Variants in TRHDE observed in about 807,000 individuals in gnomAD.
TRHDE encodes thyrotropin releasing hormone degrading enzyme, also known as thyrotropin-releasing hormone-degrading ectoenzyme.
A neutral mutation model predicts 125.7 loss-of-function variants in TRHDE; 72 were observed. The observed-to-expected ratio is 0.57, with a 90% confidence interval of 0.47 to 0.70. The LOEUF is 0.70. TRHDE is among the 30% of genes least tolerant of loss of function. TRHDE has a pLI of 0.00. For synonymous variants in TRHDE, 509 were observed against 509.1 expected (o/e 1.00, Z 0.00); for missense variants, 1,110 against 1,327.1 (o/e 0.84, Z 2.54).
intron 2 of TRHDE, among the ~76,000 whole-genome samples, chr12:72,159,531 A>T (rs1876591154): frequency 6.6e-6 from 1 of 152,204 alleles, no homozygotes; most frequent in African/African-American, 2.4e-5. Context: ...TTGAACTGCC[A>T]TTTCTTCAAG....
intron 12 of TRHDE, among the ~76,000 whole-genome samples, chr12:72,614,307 C>CTTATGTATATAT (rs1555202237): frequency 9.6e-6 from 1 of 104,308 alleles, no homozygotes; most frequent in African/African-American, 5.5e-5. Context: ...ATTATATATA[C>CTTATGTATATAT]ATATGTATAT....
intron 6 of TRHDE, 95 bp downstream of exon 6, chr12:72,499,730 G>A (rs561370530): frequency 3.9e-5 from 54 of 1,391,748 alleles, no homozygotes; most frequent in Non-Finnish European, 8.9e-6. Context: ...TTTTTTCCGG[G>A]CAGATAGACA....
chr12:72,462,754 C>A (rs1277943161), intron 3 of TRHDE, among the ~76,000 whole-genome samples: 2 of 152,116 alleles, frequency 1.3e-5, no homozygotes, highest in African/African-American at 4.8e-5. Context: ...CTTTAACATA[C>A]CATGTGTAAT....
chr12:72,321,014 A>T (rs186843341), intron 2 of TRHDE, among the ~76,000 whole-genome samples: 4 of 152,318 alleles, frequency 2.6e-5, no homozygotes, highest in Admixed American at 6.5e-5. Flanking sequence ...ATTTCAACTT[A>T]TTAGTGGGAA....
intron 3 of TRHDE, among the ~76,000 whole-genome samples, chr12:72,392,241 A>G (rs1340424216): frequency 1.3e-5 from 2 of 152,210 alleles, no homozygotes; most frequent in Non-Finnish European, 2.9e-5. Flanking sequence ...TAATACACCT[A>G]TGTAAGGCTT....
intron 7 of TRHDE, among the ~76,000 whole-genome samples, chr12:72,546,062 C>G (rs923104875): frequency 6.6e-6 from 1 of 151,608 alleles, no homozygotes; most frequent in African/African-American, 2.4e-5. Context: ...GAAAAGCTAC[C>G]ACGGTGGCTC....
intron 2 of TRHDE, among the ~76,000 whole-genome samples, chr12:72,287,637 G>T (rs1879940605): frequency 6.6e-6 from 1 of 151,712 alleles, no homozygotes; most frequent in Admixed American, 6.6e-5. Context: ...AAAATTTCAT[G>T]TAAGTGATTT....
chr12:72,445,796 A>G (rs1038303216), intron 3 of TRHDE, among the ~76,000 whole-genome samples: 6 of 151,966 alleles, frequency 3.9e-5, no homozygotes, highest in African/African-American at 1.4e-4. Context: ...TTAATTGCCA[A>G]TATTTTACAG....
At chr12:72,284,514 A>G (rs1022574567) in intron 1 of TRHDE, among the ~76,000 whole-genome samples, 2 of 152,214 alleles carry the variant, frequency 1.3e-5, no homozygotes, top group African/African-American at 2.4e-5. Flanking sequence ...CTGACATTTC[A>G]TTAAGCAGAA....
intron 2 of TRHDE, among the ~76,000 whole-genome samples, chr12:72,155,328 C>G (rs970941310): frequency 7.2e-5 from 11 of 152,066 alleles, no homozygotes; most frequent in African/African-American, 2.7e-4. Flanking sequence ...ACTTCTTTGC[C>G]ATGGGTTCGA....
intron 3 of TRHDE, among the ~76,000 whole-genome samples, chr12:72,408,295 A>G (rs145473240): frequency 6.6e-6 from 1 of 152,342 alleles, no homozygotes; most frequent in Non-Finnish European, 1.5e-5. Context: ...GAACACAGTC[A>G]GAGCACAGCA....
At chr12:72,173,700 G>T (rs1407110861) in intron 2 of TRHDE, among the ~76,000 whole-genome samples, 1 of 152,112 alleles carries the variant, frequency 6.6e-6, no homozygotes, top group African/African-American at 2.4e-5. Flanking sequence ...GGACAAAAAA[G>T]TCCCATATGC....
At chr12:72,466,589 C>T (rs1045541393) in intron 3 of TRHDE, among the ~76,000 whole-genome samples, 1 of 152,172 alleles carries the variant, frequency 6.6e-6, no homozygotes, top group Non-Finnish European at 1.5e-5. Context: ...TGGTTATGAA[C>T]TTACAATTCA....
intron 3 of TRHDE, among the ~76,000 whole-genome samples, chr12:72,418,889 A>G (rs1873837431): frequency 6.6e-6 from 1 of 152,172 alleles, no homozygotes; most frequent in Non-Finnish European, 1.5e-5. Flanking sequence ...TTTGATGCTA[A>G]AGAAGAAGAG....
intron 1 of TRHDE, among the ~76,000 whole-genome samples, chr12:72,097,612 G>A (rs1874962061): frequency 6.6e-6 from 1 of 151,962 alleles, no homozygotes; most frequent in African/African-American, 2.4e-5. Context: ...ACCATGCCTG[G>A]CTAATGTTTT....
At chr12:72,165,671 A>G (rs1268452616) in intron 2 of TRHDE, among the ~76,000 whole-genome samples, 2 of 151,054 alleles carry the variant, frequency 1.3e-5, no homozygotes, top group African/African-American at 4.9e-5. Context: ...ACATATTCTG[A>G]GAAATGCATT....
chr12:72,378,191 T>C, intron 3 of TRHDE, 70 bp downstream of exon 3: 1 of 1,412,656 alleles, frequency 7.1e-7, no homozygotes, highest in Non-Finnish European at 9.5e-7. Context: ...ATGTGTTTAT[T>C]TGAGCCATCC....
chr12:72,657,203 A>C (rs926553929), intron 18 of TRHDE, among the ~76,000 whole-genome samples, 195 bp downstream of exon 18: 2 of 152,130 alleles, frequency 1.3e-5, no homozygotes, highest in African/African-American at 4.8e-5. Flanking sequence ...CAAACATTGA[A>C]GGCCTGCAAG....
intron 12 of TRHDE, chr12:72,582,383 G>A (rs1451249918): frequency 1.0e-6 from 1 of 984,786 alleles, no homozygotes; most frequent in East Asian, 1.1e-4. Flanking sequence ...AAACAGCATT[G>A]TTAAAATAAC....
Sources: allele counts gnomAD v4.1 joint callset (sites outside exome capture counted in the v4.1 genomes callset), GRCh38; gene constraint gnomAD v4.1.1; transcripts MANE v1.5; gene names NCBI Gene and HGNC (gene_info 2026-07-23, HGNC 2026-07-21).